PCCB: variants seen among roughly 807,000 people sequenced by gnomAD.
PCCB encodes the protein propionyl-CoA carboxylase beta chain, mitochondrial.
In PCCB, 43 loss-of-function variants were observed where a neutral mutation model predicts 60.7. The ratio of observed to expected loss-of-function variants is 0.71; its 90% confidence interval spans 0.55 to 0.91. PCCB has a LOEUF of 0.91. Ranked by LOEUF, PCCB falls within the 40% of genes least tolerant of loss-of-function variation. The pLI is 0.00. For missense variants in PCCB, 766 were observed against 702.8 expected (o/e 1.09, Z -1.02); for synonymous variants, 276 against 255.9 (o/e 1.08, Z -0.75).
chr3:136,326,765 G>T, intron 10 of PCCB, 38 bp from the exon 11 acceptor site: 1 of 1,355,336 alleles, frequency 7.4e-7, no homozygotes. Context: ...ACTGGGAATT[G>T]CCTGGATACT....
chr3:136,271,067 G>C (rs1942185030), intron 5 of PCCB, among the ~76,000 whole-genome samples: 1 of 152,156 alleles, frequency 6.6e-6, no homozygotes, highest in South Asian at 2.1e-4. Flanking sequence ...ATTTTCTCCA[G>C]CTCTGTGAGT....
At position 136,268,543 on chromosome 3, in the gene PCCB, A is replaced by C. The variant is rs535215690; in HGVS notation, c.543+6478A>C. On this transcript the variant is annotated intron_variant, in intron 5 of 14. Transcript: ENST00000251654. ...CAGTGGCATGATCTCAGCTCACTGC[A>C]ACCTCCACCTCCTGGGTTCAAGCGA... Among the ~76,000 whole-genome samples, 469 of 150,634 alleles carry C rather than the reference A, an allele frequency of 3.1e-3. 6 individuals are homozygous for C. Among genetic ancestry groups the C allele is most frequent in the African/African-American group, 0.011 (453 of 41,054 alleles).
chr3:136,274,824 CTTT>C (rs796392217), intron 5 of PCCB, among the ~76,000 whole-genome samples: 1 of 145,298 alleles, frequency 6.9e-6, no homozygotes, highest in Non-Finnish European at 1.5e-5. Context: ...TTTCTTCTTT[CTTT>C]TTTTTTTTTT....
At chr3:136,258,555 GTTC>G (rs1941735914) in intron 3 of PCCB, among the ~76,000 whole-genome samples, 1 of 152,130 alleles carries the variant, frequency 6.6e-6, no homozygotes, top group African/African-American at 2.4e-5. Context: ...GGGAGCTTCT[GTTC>G]TTCTGGGGAG....
chr3:136,295,460 T>A (rs971739939), intron 7 of PCCB, among the ~76,000 whole-genome samples: 1 of 152,238 alleles, frequency 6.6e-6, no homozygotes, highest in Non-Finnish European at 1.5e-5. Context: ...TTTAGCCCCA[T>A]CTTTAAGACA....
At chr3:136,256,305 T>C in intron 2 of PCCB, 1 of 570,056 alleles carries the variant, frequency 1.8e-6, no homozygotes, top group Non-Finnish European at 3.1e-6. Flanking sequence ...TGGGTCTTGA[T>C]TGTTTTGCTT....
chr3:136,295,671 C>T (rs1933898613), intron 7 of PCCB, among the ~76,000 whole-genome samples: 1 of 152,158 alleles, frequency 6.6e-6, no homozygotes, highest in Non-Finnish European at 1.5e-5. Flanking sequence ...TAGTACAAAA[C>T]TTAGAAAACA....
At chr3:136,317,714 T>C (rs973334765) in intron 10 of PCCB, among the ~76,000 whole-genome samples, 1 of 152,132 alleles carries the variant, frequency 6.6e-6, no homozygotes, top group Non-Finnish European at 1.5e-5. Flanking sequence ...GCAGGGGTGG[T>C]GATGTCGTAT....
chr3:136,279,708 C>G (rs1942423907), intron 5 of PCCB, among the ~76,000 whole-genome samples: 1 of 152,070 alleles, frequency 6.6e-6, no homozygotes, highest in South Asian at 2.1e-4. Context: ...CGCTCTGTCG[C>G]CCAGGCTGGA....
intron 3 of PCCB, among the ~76,000 whole-genome samples, chr3:136,258,773 G>T (rs946817074): frequency 6.6e-6 from 1 of 151,984 alleles, no homozygotes; most frequent in Admixed American, 6.6e-5. Flanking sequence ...TCCTCTCAAG[G>T]TGAAGGAGAG....
At chr3:136,296,143 G>A (rs1273954431) in intron 7 of PCCB, among the ~76,000 whole-genome samples, 5 of 152,096 alleles carry the variant, frequency 3.3e-5, no homozygotes, top group African/African-American at 1.2e-4. Flanking sequence ...TATTTATAGT[G>A]TACAATTCAG....
intron 5 of PCCB, among the ~76,000 whole-genome samples, chr3:136,264,483 A>G (rs995383455): frequency 3.8e-5 from 5 of 131,394 alleles, no homozygotes; most frequent in African/African-American, 1.2e-4. Flanking sequence ...CCAGGATCCA[A>G]TCCAGAATAA....
chr3:136,297,612 A>C (rs1186700045), intron 7 of PCCB, among the ~76,000 whole-genome samples: 1 of 152,196 alleles, frequency 6.6e-6, no homozygotes, highest in Non-Finnish European at 1.5e-5. Flanking sequence ...GATGCAGAGA[A>C]AAGTACGGGA....
chr3:136,301,017 T>C lies in PCCB; in HGVS notation c.885-13T>C. On this transcript the variant is annotated splice_polypyrimidine_tract_variant and intron_variant, in intron 8 of 14. Coordinates refer to ENST00000251654, the MANE Select transcript of PCCB (RefSeq NM_000532.5). The stretch of plus-strand genomic sequence containing the variant: ...TCCTATGTTGACTATACCTGCCTTT[T>C]TTCTGCCTAAAGTGACCGTCTGGTT... The C allele has an allele frequency of 6.2e-7, 1 of 1,612,880 alleles. No individual in the cohort carries two copies. The highest frequency in any genetic ancestry group is 1.1e-5 in the South Asian group (1 of 91,048).
At chr3:136,264,598 G>C (rs4484145) in intron 5 of PCCB, among the ~76,000 whole-genome samples, 10,904 of 151,570 alleles carry the variant, frequency 0.072, 539 homozygotes, top group South Asian at 0.11. Context: ...CTTTGGCCAG[G>C]TGTGGTGGCT....
At chr3:136,274,852 G>T in intron 5 of PCCB, among the ~76,000 whole-genome samples, 1 of 150,664 alleles carries the variant, frequency 6.6e-6, no homozygotes, top group South Asian at 2.1e-4. Flanking sequence ...CTTGAGATAG[G>T]GTCTTACTCT....
chr3:136,323,857 A>G (rs1328488213), intron 10 of PCCB, among the ~76,000 whole-genome samples: 16 of 150,974 alleles, frequency 1.1e-4, no homozygotes, highest in Non-Finnish European at 1.5e-5. Flanking sequence ...TTTTTCTAGT[A>G]AGTTCAGTGT....
At chr3:136,301,297 A>G (rs1934270083) in intron 9 of PCCB, among the ~76,000 whole-genome samples, 186 bp downstream of exon 9, 1 of 152,114 alleles carries the variant, frequency 6.6e-6, no homozygotes, top group Admixed American at 6.5e-5. Context: ...GTGGCTATAG[A>G]TACCCTAGTG....
At chr3:136,318,663 TA>T (rs773962957) in intron 10 of PCCB, among the ~76,000 whole-genome samples, 2 of 152,260 alleles carry the variant, frequency 1.3e-5, no homozygotes, top group Non-Finnish European at 2.9e-5. Flanking sequence ...TTTGTCCTTT[TA>T]TATCAATCTT....
Sources: gnomAD v4.1 joint callset for allele counts (sites outside exome capture counted in the v4.1 genomes callset) on GRCh38, gnomAD v4.1.1 for gene constraint, MANE v1.5 for transcripts, NCBI Gene and HGNC (gene_info 2026-07-23, HGNC 2026-07-21) for gene names.